C1orf185: variants seen among roughly 807,000 people sequenced by gnomAD.
C1orf185 encodes chromosome 1 open reading frame 185.
In C1orf185, 13 loss-of-function variants were observed where a neutral mutation model predicts 16.1. That is an observed-to-expected ratio of 0.81 (90% CI 0.53 to 1.28). The LOEUF is 1.28. Among genes scored for constraint, C1orf185 ranks in the 50% most tolerant of loss-of-function variants. The pLI is 0.00. For missense variants in C1orf185, 220 were observed against 225.2 expected, an observed-to-expected ratio of 0.98 and a Z score of 0.15; for synonymous variants, 80 against 76.9, an observed-to-expected ratio of 1.04 and a Z score of -0.21.
At chr1:51,128,856 GTTTGCTTTT>G (rs774368528) in intron 3 of C1orf185, among the ~76,000 whole-genome samples, 9 of 151,936 alleles carry the variant, frequency 5.9e-5, no homozygotes, top group East Asian at 1.9e-4. Flanking sequence ...GTTTGACTTT[GTTTGCTTTT>G]TTTGCTTTTT....
At chr1:51,134,030 T>C (rs774107661) in intron 3 of C1orf185, among the ~76,000 whole-genome samples, 1 of 151,922 alleles carries the variant, frequency 6.6e-6, no homozygotes, top group Non-Finnish European at 1.5e-5. Flanking sequence ...TGCAGTGAGC[T>C]GACATGGCAC....
intron 3 of C1orf185, among the ~76,000 whole-genome samples, chr1:51,140,074 T>C (rs531525207): frequency 6.6e-6 from 1 of 152,294 alleles, no homozygotes; most frequent in African/African-American, 2.4e-5. Flanking sequence ...TATAATTAGC[T>C]CACTGAGAAT....
chr1:51,126,349 G>T (rs1445620558), intron 3 of C1orf185, among the ~76,000 whole-genome samples: 2 of 152,150 alleles, frequency 1.3e-5, no homozygotes, highest in African/African-American at 4.8e-5. Flanking sequence ...CTGTAACCTT[G>T]AACTCCTGGA....
chr1:51,145,401 C>T (rs1227355083), intron 3 of C1orf185, among the ~76,000 whole-genome samples: 1 of 152,074 alleles, frequency 6.6e-6, no homozygotes, highest in African/African-American at 2.4e-5. Context: ...GTTCATTAAA[C>T]AAGTCTAGGA....
chr1:51,126,910 G>C (rs1646244118), intron 3 of C1orf185, among the ~76,000 whole-genome samples: 1 of 151,716 alleles, frequency 6.6e-6, no homozygotes, highest in East Asian at 1.9e-4. Flanking sequence ...CATCTTTCTT[G>C]TTTAACCTAA....
chr1:51,138,710 CAG>C (rs919891987), intron 3 of C1orf185, among the ~76,000 whole-genome samples: 5 of 151,614 alleles, frequency 3.3e-5, no homozygotes, highest in African/African-American at 1.2e-4. Context: ...TTTTTTAAGA[CAG>C]AGTCTTGCTC....
At position 51,147,542 on chromosome 1, in the gene C1orf185, C is replaced by A; in HGVS notation, c.371C>A (p.Ser124Tyr). 6.4e-7 allele frequency: 1 copy of A among 1,551,544 alleles called. No individual in the cohort carries two copies. The change falls in exon 5 of 5, where the codon TCC becomes TAC. Residue 124 changes from serine to tyrosine, a missense_variant. Coordinates refer to ENST00000371759, the MANE Select transcript of C1orf185 (RefSeq NM_001136508.2). Reference protein sequence around the residue: ...NIICDPSETSSTTNRSSVTLS... With the variant: ...NIICDPSETSYTTNRSSVTLS... ...ATTTGTGATCCCTCAGAGACCAGCT[C>A]CACAACAAATCGCAGCAGTGTTACA...
chr1:51,116,700 A>G (rs1208104360), intron 2 of C1orf185, among the ~76,000 whole-genome samples: 1 of 152,128 alleles, frequency 6.6e-6, no homozygotes, highest in Non-Finnish European at 1.5e-5. Context: ...AAGGGCTTAC[A>G]TGGTCTACCC....
At chr1:51,113,239 G>A (rs1281342027) in intron 2 of C1orf185, among the ~76,000 whole-genome samples, 1 of 151,958 alleles carries the variant, frequency 6.6e-6, no homozygotes, top group Admixed American at 6.6e-5. Context: ...TTCTTTAGGA[G>A]ATATTTAAGA....
intron 3 of C1orf185, 41 bp downstream of exon 3, chr1:51,118,842 C>A (rs1397351218): frequency 3.9e-6 from 5 of 1,278,428 alleles, no homozygotes; most frequent in Non-Finnish European, 5.1e-6. Context: ...CAAATAATTT[C>A]TTTTGATACC....
At chr1:51,109,975 G>T (rs1420767312) in intron 1 of C1orf185, among the ~76,000 whole-genome samples, 1 of 151,788 alleles carries the variant, frequency 6.6e-6, no homozygotes, top group Admixed American at 6.6e-5. Context: ...AGATTGCTTT[G>T]GTTACCCTTA....
At chr1:51,147,390 G>T in intron 4 of C1orf185, 77 bp from the exon 5 acceptor site, 1 of 1,298,558 alleles carries the variant, frequency 7.7e-7, no homozygotes, top group South Asian at 1.6e-5. Flanking sequence ...GCATTATCCT[G>T]CCCATTCTGA....
intron 3 of C1orf185, among the ~76,000 whole-genome samples, chr1:51,119,086 T>G (rs979939008): frequency 6.6e-6 from 1 of 152,138 alleles, no homozygotes; most frequent in Non-Finnish European, 1.5e-5. Flanking sequence ...GAAAGCAAAA[T>G]TACCAGGCTT....
At chr1:51,149,449 A>G (rs1488080854), downstream of C1orf185, among the ~76,000 whole-genome samples, 2 of 152,216 alleles carry the variant, frequency 1.3e-5, no homozygotes, top group East Asian at 3.8e-4. Flanking sequence ...ATCTATTGCT[A>G]TCCTCACCTA....
chr1:51,123,539 C>T (rs1245007863), intron 3 of C1orf185, among the ~76,000 whole-genome samples: 1 of 152,126 alleles, frequency 6.6e-6, no homozygotes, highest in African/African-American at 2.4e-5. Context: ...CCAGCGAACA[C>T]AATTATGGGA....
rs1257034797 is a variant in C1orf185 at position 51,134,560 on chromosome 1, T to C, written c.259-11164T>C. ...TCAAAAGATCAATGAATCCAGGAGCTGGTTTTCTGAAAAAATAAAATAAAA... is the reference window on the plus strand; with the variant it reads ...TCAAAAGATCAATGAATCCAGGAGCCGGTTTTCTGAAAAAATAAAATAAAA... On this transcript the variant is annotated intron_variant, in intron 3 of 4. Coordinates refer to ENST00000371759, the MANE Select transcript of C1orf185 (RefSeq NM_001136508.2). Among the ~76,000 whole-genome samples, 6 of 150,872 alleles carry C rather than the reference T, an allele frequency of 4.0e-5. No homozygotes were observed. In the East Asian group the frequency reaches 9.6e-4, roughly 24 times the overall value.
intron 3 of C1orf185, among the ~76,000 whole-genome samples, chr1:51,135,183 G>T (rs543511762): frequency 1.4e-3 from 220 of 152,280 alleles, no homozygotes; most frequent in African/African-American, 5.1e-3. Context: ...GGGATGCAAG[G>T]TTGGTTCAAC....
At chr1:51,141,960 G>C (rs1257296512) in intron 3 of C1orf185, among the ~76,000 whole-genome samples, 1 of 151,958 alleles carries the variant, frequency 6.6e-6, no homozygotes, top group Non-Finnish European at 1.5e-5. Context: ...GTAGAGACAG[G>C]GTTTCACCAT....
intron 3 of C1orf185, among the ~76,000 whole-genome samples, chr1:51,136,437 C>G (rs1229651218): frequency 6.6e-6 from 1 of 151,550 alleles, no homozygotes; most frequent in Non-Finnish European, 1.5e-5. Context: ...CCTGAGTAGC[C>G]AAGGAAATCC....
Sources: allele counts gnomAD v4.1 joint callset (sites outside exome capture counted in the v4.1 genomes callset), GRCh38; gene constraint gnomAD v4.1.1; transcripts MANE v1.5; gene names NCBI Gene and HGNC (gene_info 2026-07-23, HGNC 2026-07-21).